Variants in RDX observed in about 807,000 individuals in gnomAD.
The protein encoded by RDX is radixin, also known as deafness, autosomal recessive 24.
Under a neutral mutation model 83.7 loss-of-function variants are expected in RDX, and 32 were observed. The observed-to-expected ratio is 0.38, with a 90% CI of 0.29 to 0.51. The LOEUF is 0.51. Ranked by LOEUF, RDX falls within the 20% of genes least tolerant of loss-of-function variation. RDX has a pLI of 0.87. For missense variants in RDX, 600 were observed against 689.9 expected (o/e 0.87, Z 1.46); for synonymous variants, 229 against 222.7 (o/e 1.03, Z -0.25).
chr11:110,237,667 T>C lies in RDX; in HGVS notation c.1091-15A>G. On this transcript the variant is annotated splice_polypyrimidine_tract_variant and intron_variant, in intron 10 of 13. Transcript: ENST00000645495. ...TTCTTCTAGTTCTATGAAATATGTG[T>C]ATTCCCCCCAACAGTGATTAATTCC... 3 of 1,613,254 alleles carry C rather than the reference T, an allele frequency of 1.9e-6. No individual in the cohort carries two copies. The highest frequency in any genetic ancestry group is 2.5e-6 in the Non-Finnish European group (3 of 1,179,168).
At chr11:110,264,357 T>C in intron 4 of RDX, 123 bp from the exon 5 acceptor site, 2 of 679,178 alleles carry the variant, frequency 2.9e-6, no homozygotes, top group Non-Finnish European at 4.9e-6. Context: ...ATGAAGATTT[T>C]AGTGTGTAAT....
intron 15 of RDX, among the ~76,000 whole-genome samples, chr11:110,190,140 T>C (rs1251541984): frequency 6.6e-6 from 1 of 152,136 alleles, no homozygotes; most frequent in African/African-American, 2.4e-5. Context: ...AAAATTTCTG[T>C]GATGCAACAA....
intron 1 of RDX, among the ~76,000 whole-genome samples, chr11:110,284,634 C>G (rs1860906503): frequency 6.6e-6 from 1 of 152,062 alleles, no homozygotes; most frequent in Admixed American, 6.5e-5. Flanking sequence ...CATTCTCCTG[C>G]CTCAGCCTCC....
chr11:110,179,939 T>G (rs965702025), intron 15 of RDX: 4 of 413,366 alleles, frequency 9.7e-6, no homozygotes, highest in African/African-American at 2.1e-5. Context: ...TTTCCCTTTG[T>G]TGCCCGGGCT....
chr11:110,253,880 G>T, intron 9 of RDX, 66 bp downstream of exon 9: 1 of 1,373,706 alleles, frequency 7.3e-7, no homozygotes, highest in South Asian at 1.2e-5. Context: ...TTAAAAAACT[G>T]AGCAGTCTTA....
chr11:110,192,268 C>T (rs1366253484), intron 15 of RDX, among the ~76,000 whole-genome samples: 1 of 152,084 alleles, frequency 6.6e-6, no homozygotes, highest in Non-Finnish European at 1.5e-5. Context: ...ACAAAGTTGA[C>T]AAAAATAAGC....
intron 15 of RDX, chr11:110,181,851 G>A (rs1034357849): frequency 6.6e-6 from 1 of 152,548 alleles, no homozygotes; most frequent in Non-Finnish European, 1.5e-5. Context: ...GAAAAAAAAG[G>A]GGGCAGCTTT....
chr11:110,176,591 G>T (rs1862778461), intron 15 of RDX, among the ~76,000 whole-genome samples: 1 of 152,208 alleles, frequency 6.6e-6, no homozygotes, highest in Non-Finnish European at 1.5e-5. Context: ...GACTTTAAAA[G>T]ATCCTTCTCC....
intron 10 of RDX, among the ~76,000 whole-genome samples, chr11:110,244,235 G>T (rs759707904): frequency 2.0e-5 from 3 of 151,598 alleles, no homozygotes; most frequent in Non-Finnish European, 4.4e-5. Context: ...GGTGGTGGAC[G>T]CCTGTAATCC....
At chr11:110,177,882 A>C (rs894469184) in intron 15 of RDX, among the ~76,000 whole-genome samples, 1 of 152,082 alleles carries the variant, frequency 6.6e-6, no homozygotes, top group Non-Finnish European at 1.5e-5. Context: ...TAACCGTCTC[A>C]TGATATACTT....
intron 14 of RDX, among the ~76,000 whole-genome samples, chr11:110,205,431 C>CA (rs35103862): frequency 0.17 from 7,751 of 46,348 alleles, 424 homozygotes; most frequent in Non-Finnish European, 0.23. Flanking sequence ...TTTACCTATC[C>CA]AAAAAAAAAA....
intron 5 of RDX, 92 bp downstream of exon 5, chr11:110,263,868 C>CAAA (rs36094903): frequency 2.0e-3 from 2,026 of 991,646 alleles, no homozygotes; most frequent in Non-Finnish European, 2.4e-3. Flanking sequence ...ACCCTGTCTC[C>CAAA]AAAAAAAAAA....
chr11:110,248,951 T>C (rs534273005), intron 9 of RDX, among the ~76,000 whole-genome samples: 19 of 152,284 alleles, frequency 1.2e-4, no homozygotes, highest in African/African-American at 3.8e-4. Flanking sequence ...TCTTAAAAAA[T>C]ATCATCAGAG....
chr11:110,231,800 T>A lies in RDX; in HGVS notation c.*69A>T. 1 of 1,572,556 alleles carries A rather than the reference T, an allele frequency of 6.4e-7. No homozygotes were observed. The highest frequency in any genetic ancestry group is 8.7e-7 in the Non-Finnish European group (1 of 1,147,794). On this transcript the variant is annotated 3_prime_UTR_variant, in exon 14 of 14. Transcript: ENST00000645495. ...GCAAGGTGGGATGCATTCCATCATA[T>A]CTGCAAAGGCCTGCTTTTCTCTGTT...
At chr11:110,267,891 C>A (rs756462315) in intron 3 of RDX, among the ~76,000 whole-genome samples, 7 of 151,478 alleles carry the variant, frequency 4.6e-5, no homozygotes, top group African/African-American at 7.3e-5. Flanking sequence ...GAGGTCAAGG[C>A]TGCAGTGAGC....
At chr11:110,199,566 GC>G in intron 15 of RDX, 2 of 702,920 alleles carry the variant, frequency 2.8e-6, no homozygotes, top group South Asian at 3.0e-5. Context: ...GGCCACGGCT[GC>G]CAGTTGTACT....
intron 12 of RDX, among the ~76,000 whole-genome samples, chr11:110,235,461 G>A (rs1179305095): frequency 1.3e-5 from 2 of 151,942 alleles, no homozygotes; most frequent in African/African-American, 4.8e-5. Flanking sequence ...TCCTCAGTTT[G>A]GGTCTTTATC....
intron 14 of RDX, among the ~76,000 whole-genome samples, chr11:110,216,520 G>A (rs1334899882): frequency 2.0e-5 from 3 of 146,592 alleles, no homozygotes; most frequent in Non-Finnish European, 4.5e-5. Context: ...CTACAGGTGC[G>A]CTACCACACC....
At chr11:110,192,854 C>CA (rs59034419) in intron 15 of RDX, among the ~76,000 whole-genome samples, 287 of 147,058 alleles carry the variant, frequency 2.0e-3, no homozygotes, top group African/African-American at 4.4e-3. Flanking sequence ...ATTGAAAAGT[C>CA]AAAAAAAAAA....
Sources: allele counts gnomAD v4.1 joint callset (sites outside exome capture counted in the v4.1 genomes callset), GRCh38; gene constraint gnomAD v4.1.1; transcripts MANE v1.5; gene names NCBI Gene and HGNC (gene_info 2026-07-23, HGNC 2026-07-21).